The following ZBTB20 variants were observed in gnomAD, a reference collection of about 807,000 sequenced individuals.
ZBTB20 encodes the protein zinc finger and BTB domain-containing protein 20.
ZBTB20 carries 9 observed loss-of-function variants against 56.9 expected under a neutral mutation model. That is an observed-to-expected ratio of 0.16 (90% CI 0.10 to 0.28). The LOEUF (loss-of-function observed/expected upper bound fraction) is 0.28. Among genes scored for constraint, ZBTB20 ranks in the 10% least tolerant of loss-of-function variants. ZBTB20 has a pLI of 1.00. For missense variants in ZBTB20, 655 were observed against 1,003.0 expected (o/e 0.65, Z 4.69); for synonymous variants, 417 against 420.7 (o/e 0.99, Z 0.11).
At chr3:115,054,268 A>G (rs2081666378) in intron 2 of ZBTB20, among the ~76,000 whole-genome samples, 1 of 152,156 alleles carries the variant, frequency 6.6e-6, no homozygotes, top group Admixed American at 6.6e-5. Context: ...CTTTCAACAT[A>G]GGTTGTTCCT....
chr3:115,084,396 T>A (rs973359194), intron 1 of ZBTB20, among the ~76,000 whole-genome samples: 1 of 150,758 alleles, frequency 6.6e-6, no homozygotes, highest in Admixed American at 6.6e-5. Context: ...TTAAAAAAAA[T>A]ACTGATTTTT....
intron 2 of ZBTB20, among the ~76,000 whole-genome samples, chr3:115,006,004 T>C (rs1157757041): frequency 1.1e-5 from 1 of 87,180 alleles, no homozygotes; most frequent in Non-Finnish European, 2.8e-5. Flanking sequence ...TGCCAAATGT[T>C]TTTTTTTTCT....
intron 6 of ZBTB20, among the ~76,000 whole-genome samples, chr3:114,592,068 G>A (rs899395156): frequency 2.0e-5 from 3 of 152,114 alleles, no homozygotes; most frequent in Non-Finnish European, 4.4e-5. Context: ...TGGAAAACAT[G>A]TATGTAGTCT....
chr3:114,419,722 T>C (rs2088954484), intron 7 of ZBTB20, among the ~76,000 whole-genome samples: 1 of 152,086 alleles, frequency 6.6e-6, no homozygotes. Context: ...GAGGAAACAA[T>C]TATACAATCT....
chr3:114,720,019 A>G (rs982047001), intron 5 of ZBTB20, among the ~76,000 whole-genome samples: 2 of 151,606 alleles, frequency 1.3e-5, no homozygotes, highest in African/African-American at 4.8e-5. Context: ...GAGGTGTAGG[A>G]TTGAATGAAA....
chr3:114,695,009 A>G (rs1426750245), intron 5 of ZBTB20, among the ~76,000 whole-genome samples: 1 of 152,112 alleles, frequency 6.6e-6, no homozygotes, highest in African/African-American at 2.4e-5. Context: ...GGTTGGCCAT[A>G]GCAGGTCCCT....
At chr3:114,609,263 C>T (rs1368569691) in intron 6 of ZBTB20, among the ~76,000 whole-genome samples, 1 of 152,178 alleles carries the variant, frequency 6.6e-6, no homozygotes, top group Non-Finnish European at 1.5e-5. Flanking sequence ...AACAATTCCA[C>T]AATCTTGAGG....
intron 7 of ZBTB20, among the ~76,000 whole-genome samples, chr3:114,433,524 T>C (rs2090276105): frequency 1.3e-5 from 2 of 152,208 alleles, no homozygotes; most frequent in South Asian, 2.1e-4. Context: ...TAGAAATTTA[T>C]GGATTCAGAA....
intron 4 of ZBTB20, among the ~76,000 whole-genome samples, chr3:114,853,269 A>G (rs947416541): frequency 3.3e-5 from 5 of 152,180 alleles, no homozygotes; most frequent in African/African-American, 1.2e-4. Flanking sequence ...TAACTGGAGC[A>G]TGTGTCCATC....
At chr3:114,740,258 G>A (rs1560191721) in intron 5 of ZBTB20, among the ~76,000 whole-genome samples, 3 of 152,154 alleles carry the variant, frequency 2.0e-5, no homozygotes, top group South Asian at 2.1e-4. Flanking sequence ...TAAATAAAAT[G>A]ATGGAAAATG....
At chr3:114,937,920 GC>G (rs919619552) in intron 3 of ZBTB20, among the ~76,000 whole-genome samples, 2 of 151,794 alleles carry the variant, frequency 1.3e-5, no homozygotes, top group African/African-American at 4.8e-5. Flanking sequence ...ACACGGTGAA[GC>G]CCCATGTCTA....
chr3:114,774,880 T>C (rs920097302), intron 5 of ZBTB20, among the ~76,000 whole-genome samples: 4 of 152,066 alleles, frequency 2.6e-5, no homozygotes, highest in African/African-American at 9.7e-5. Context: ...TTTACAACTG[T>C]TACCTATTAA....
chr3:115,010,090 T>C lies in ZBTB20; in HGVS notation c.-506-35674A>G, dbSNP rs192307403. Among the ~76,000 whole-genome samples the C allele has an allele frequency of 7.9e-5, 12 of 152,094 alleles. No individual in the cohort carries two copies. In the East Asian group the frequency reaches 2.0e-3, roughly 25 times the overall value. On this transcript the variant is annotated intron_variant, in intron 2 of 11. Coordinates refer to ENST00000675478, the MANE Select transcript of ZBTB20 (RefSeq NM_001348800.3). ...TAAGCAAAAAACAAAACAATGAGCATTGACCTTTACCTTTCTCTGGTAAGG... is the reference window on the plus strand; with the variant it reads ...TAAGCAAAAAACAAAACAATGAGCACTGACCTTTACCTTTCTCTGGTAAGG...
chr3:114,929,211 C>T (rs1457378194), intron 3 of ZBTB20, among the ~76,000 whole-genome samples: 4 of 152,178 alleles, frequency 2.6e-5, no homozygotes, highest in Non-Finnish European at 1.5e-5. Flanking sequence ...ACACAGTATG[C>T]AGTGCATCAG....
At chr3:114,457,369 G>T (rs2092082617) in intron 7 of ZBTB20, among the ~76,000 whole-genome samples, 3 of 152,140 alleles carry the variant, frequency 2.0e-5, no homozygotes. Context: ...ATGGAGGAAG[G>T]TGTGTAAACA....
At chr3:114,369,088 C>A (rs142933187) in intron 10 of ZBTB20, among the ~76,000 whole-genome samples, 1 of 152,294 alleles carries the variant, frequency 6.6e-6, no homozygotes, top group East Asian at 1.9e-4. Flanking sequence ...TTCATTGTCT[C>A]CTTTACATCT....
At chr3:114,529,962 T>C (rs1422608397) in intron 6 of ZBTB20, among the ~76,000 whole-genome samples, 3 of 152,274 alleles carry the variant, frequency 2.0e-5, no homozygotes, top group South Asian at 2.1e-4. Flanking sequence ...AATTATGTGC[T>C]GTATAATGAC....
intron 7 of ZBTB20, among the ~76,000 whole-genome samples, chr3:114,444,933 C>T (rs1272292592): frequency 1.3e-5 from 2 of 152,106 alleles, no homozygotes; most frequent in Non-Finnish European, 2.9e-5. Context: ...TCAAATTCTA[C>T]ATGGTCCTCG....
At chr3:114,550,884 G>A (rs1439206617) in intron 6 of ZBTB20, among the ~76,000 whole-genome samples, 1 of 152,168 alleles carries the variant, frequency 6.6e-6, no homozygotes, top group Non-Finnish European at 1.5e-5. Context: ...CCGAGTAGCT[G>A]TGATTACAGG....
Sources: allele counts gnomAD v4.1 joint callset (sites outside exome capture counted in the v4.1 genomes callset), GRCh38; gene constraint gnomAD v4.1.1; transcripts MANE v1.5; gene names NCBI Gene and HGNC (gene_info 2026-07-23, HGNC 2026-07-21).